The following CADM1 variants were observed in gnomAD, a reference collection of about 807,000 sequenced individuals.
The protein encoded by CADM1 is cell adhesion molecule 1.
In CADM1, 15 loss-of-function variants were observed where a neutral mutation model predicts 53.1. The observed-to-expected ratio is 0.28, with a 90% CI of 0.19 to 0.44. The LOEUF is 0.44. Among genes scored for constraint, CADM1 ranks in the 20% least tolerant of loss-of-function variants. CADM1 has a pLI of 1.00. For synonymous variants in CADM1, 281 were observed against 243.0 expected (o/e 1.16, Z -1.45); for missense variants, 434 against 611.3 (o/e 0.71, Z 3.06).
chr11:115,236,519 A>G (rs1284387980), intron 3 of CADM1, among the ~76,000 whole-genome samples: 1 of 152,238 alleles, frequency 6.6e-6, no homozygotes, highest in Non-Finnish European at 1.5e-5. Context: ...GGAACCTATT[A>G]CTTCTAGAAT....
At chr11:115,179,136 G>C (rs867966821) in intron 10 of CADM1, 7 of 330,526 alleles carry the variant, frequency 2.1e-5, no homozygotes, top group South Asian at 1.9e-4. Context: ...GACTATTTGA[G>C]GGTGCTCTGA....
chr11:115,278,130 A>G (rs1219480381), intron 1 of CADM1, among the ~76,000 whole-genome samples: 3 of 152,168 alleles, frequency 2.0e-5, no homozygotes, highest in Non-Finnish European at 4.4e-5. Context: ...TATGTTGCAT[A>G]GAAGTGATCA....
chr11:115,338,007 T>C (rs987274528), intron 1 of CADM1, among the ~76,000 whole-genome samples: 2 of 152,084 alleles, frequency 1.3e-5, no homozygotes, highest in Non-Finnish European at 2.9e-5. Flanking sequence ...TAAGTGGGTA[T>C]CTCGGGTTGT....
At chr11:115,241,999 A>C (rs906540390) in intron 1 of CADM1, among the ~76,000 whole-genome samples, 2 of 150,414 alleles carry the variant, frequency 1.3e-5, no homozygotes, top group African/African-American at 4.9e-5. Context: ...GCTAGGACAC[A>C]CTGGGAAAGT....
chr11:115,374,357 A>C (rs1433708262), intron 1 of CADM1, among the ~76,000 whole-genome samples: 1 of 152,212 alleles, frequency 6.6e-6, no homozygotes, highest in East Asian at 1.9e-4. Flanking sequence ...AACTTTCATA[A>C]ATACCTTTGA....
chr11:115,435,133 T>G (rs1288692757), intron 1 of CADM1, among the ~76,000 whole-genome samples: 1 of 151,988 alleles, frequency 6.6e-6, no homozygotes, highest in Non-Finnish European at 1.5e-5. Context: ...AGTGATGTGA[T>G]TACAGACGTG....
rs138809259 is a variant in CADM1, at chr11:115,327,161, A to G, written c.125-86741T>C. Among the ~76,000 whole-genome samples the G allele has an allele frequency of 1.1e-4, 16 of 152,266 alleles. No individual in the cohort carries two copies. In the East Asian group the frequency reaches 2.9e-3, roughly 28 times the overall value. On this transcript the variant is annotated intron_variant, in intron 1 of 11. Transcript: ENST00000331581. ...TTGCATATGTGCAGGCTACCTTTAC[A>G]TATACGCTATCATGTCAGATTCTCT... is the stretch of plus-strand genomic sequence containing the variant.
At chr11:115,477,332 A>G (rs1949157850) in intron 1 of CADM1, among the ~76,000 whole-genome samples, 1 of 152,240 alleles carries the variant, frequency 6.6e-6, no homozygotes, top group African/African-American at 2.4e-5. Flanking sequence ...CATCTTAACC[A>G]AAACCTCTTT....
chr11:115,378,870 C>A (rs913939074), intron 1 of CADM1, among the ~76,000 whole-genome samples: 8 of 152,188 alleles, frequency 5.3e-5, no homozygotes, highest in Admixed American at 5.2e-4. Context: ...TTGCCCTCTA[C>A]AGAAAAAGTT....
chr11:115,346,571 A>G (rs1945584311), intron 1 of CADM1, among the ~76,000 whole-genome samples: 2 of 151,926 alleles, frequency 1.3e-5, no homozygotes, highest in Non-Finnish European at 2.9e-5. Flanking sequence ...ATTTTTTTCC[A>G]TTGTTGAAAG....
chr11:115,325,174 A>G (rs1210836226), intron 1 of CADM1, among the ~76,000 whole-genome samples: 2 of 152,182 alleles, frequency 1.3e-5, no homozygotes, highest in Admixed American at 6.5e-5. Context: ...AGAAATGGCC[A>G]TAGGTCACCA....
chr11:115,479,767 A>T (rs1170026995), intron 1 of CADM1, among the ~76,000 whole-genome samples: 2 of 152,168 alleles, frequency 1.3e-5, no homozygotes, highest in Non-Finnish European at 2.9e-5. Flanking sequence ...ACTCCTACCA[A>T]ATCTGTGTTT....
chr11:115,305,026 G>C (rs1437892364), intron 1 of CADM1, among the ~76,000 whole-genome samples: 2 of 152,086 alleles, frequency 1.3e-5, no homozygotes, highest in East Asian at 1.9e-4. Flanking sequence ...TGCACAGACT[G>C]TCTCAACCAT....
At chr11:115,385,010 C>A (rs889264084) in intron 1 of CADM1, among the ~76,000 whole-genome samples, 1 of 151,908 alleles carries the variant, frequency 6.6e-6, no homozygotes, top group East Asian at 1.9e-4. Flanking sequence ...AATAGAAGAC[C>A]CAAATCTAAG....
intron 1 of CADM1, chr11:115,377,312 G>A (rs1946463784): frequency 1.3e-5 from 2 of 152,204 alleles, no homozygotes; most frequent in Middle Eastern, 3.4e-3. Flanking sequence ...CTTACTGGGA[G>A]GAAGGAAACA....
chr11:115,180,069 C>T (rs1939235312), intron 10 of CADM1, among the ~76,000 whole-genome samples: 1 of 152,100 alleles, frequency 6.6e-6, no homozygotes, highest in Non-Finnish European at 1.5e-5. Flanking sequence ...TGAAGTTTAT[C>T]GATCAAGTGT....
At chr11:115,176,733 G>A in intron 11 of CADM1, 141 bp from the exon 12 acceptor site, 1 of 768,616 alleles carries the variant, frequency 1.3e-6, no homozygotes, top group Admixed American at 1.8e-5. Context: ...TGGAAGAAGA[G>A]AGCGGGGTGG....
intron 10 of CADM1, among the ~76,000 whole-genome samples, chr11:115,181,659 AAT>A (rs1939318619): frequency 6.6e-6 from 1 of 152,164 alleles, no homozygotes; most frequent in Non-Finnish European, 1.5e-5. Flanking sequence ...GGGAGGTGTT[AAT>A]AGAGTTGTGC....
At position 115,465,737 on chromosome 11, in the gene CADM1, AT is replaced by A. The variant is rs1948886336; in HGVS notation, c.124+38533del. Among the ~76,000 whole-genome samples the A allele has an allele frequency of 2.0e-5, 3 of 152,056 alleles. No homozygotes were observed. The South Asian group carries it at 6.2e-4, about 32-fold the overall frequency. ...TTACTTCAGAATCTGCCTCCCTTAG[AT>A]TTTTTTTCCCCAAGCATTCAATTTT... On this transcript the variant is annotated intron_variant, in intron 1 of 11. Coordinates refer to ENST00000331581, the MANE Select transcript of CADM1 (RefSeq NM_001301043.2).
Sources: allele counts gnomAD v4.1 joint callset (sites outside exome capture counted in the v4.1 genomes callset), GRCh38; gene constraint gnomAD v4.1.1; transcripts MANE v1.5; gene names NCBI Gene and HGNC (gene_info 2026-07-23, HGNC 2026-07-21).